Variants in MMP16 observed in about 807,000 individuals in gnomAD.
MMP16 encodes matrix metalloproteinase-16.
In MMP16, 12 loss-of-function variants were observed where a neutral mutation model predicts 67.8. The observed-to-expected ratio is 0.18, with a 90% CI of 0.11 to 0.29. MMP16 has a LOEUF of 0.29. Ranked by LOEUF, MMP16 falls within the 10% of genes least tolerant of loss-of-function variation. MMP16 has a pLI of 1.00. For synonymous variants in MMP16, 249 were observed against 255.9 expected (o/e 0.97, Z 0.26); for missense variants, 475 against 765.7 (o/e 0.62, Z 4.48).
chr8:88,309,801 T>A (rs1188939352), intron 1 of MMP16, among the ~76,000 whole-genome samples: 1 of 152,116 alleles, frequency 6.6e-6, no homozygotes, highest in East Asian at 1.9e-4. Context: ...AAATCCATCA[T>A]ATATTTAACA....
chr8:88,258,791 G>C (rs1406757487), intron 1 of MMP16, among the ~76,000 whole-genome samples: 1 of 152,138 alleles, frequency 6.6e-6, no homozygotes, highest in Non-Finnish European at 1.5e-5. Flanking sequence ...TTCTTTTACA[G>C]AGAAGACACA....
At chr8:88,130,147 T>C (rs1808002882) in intron 4 of MMP16, among the ~76,000 whole-genome samples, 1 of 151,792 alleles carries the variant, frequency 6.6e-6, no homozygotes, top group Non-Finnish European at 1.5e-5. Context: ...TTATCCTTAA[T>C]GTATGAATTT....
intron 1 of MMP16, among the ~76,000 whole-genome samples, chr8:88,299,664 T>C (rs547808762): frequency 2.0e-5 from 3 of 152,322 alleles, no homozygotes; most frequent in Admixed American, 1.3e-4. Context: ...TATGATGTTA[T>C]TAGGCTGTCT....
chr8:88,295,216 G>T (rs1017519494), intron 1 of MMP16, among the ~76,000 whole-genome samples: 1 of 152,092 alleles, frequency 6.6e-6, no homozygotes, highest in East Asian at 1.9e-4. Context: ...ATATTACTTC[G>T]ATGTTTCCTC....
intron 5 of MMP16, 24 bp from the exon 6 acceptor site, chr8:88,116,742 C>T (rs931394183): frequency 6.3e-6 from 10 of 1,596,516 alleles, no homozygotes; most frequent in Non-Finnish European, 7.7e-6. Context: ...GAGGACAGTG[C>T]TTGGCTCACT....
At chr8:88,065,691 C>T (rs1808455057) in intron 7 of MMP16, among the ~76,000 whole-genome samples, 1 of 151,838 alleles carries the variant, frequency 6.6e-6, no homozygotes, top group African/African-American at 2.4e-5. Context: ...TTTACGTTAC[C>T]TATTTATTGT....
At chr8:88,166,606 A>T (rs1029050472) in intron 4 of MMP16, among the ~76,000 whole-genome samples, 1 of 149,140 alleles carries the variant, frequency 6.7e-6, no homozygotes, top group African/African-American at 2.4e-5. Flanking sequence ...GATGTAATGA[A>T]AATATAATAA....
chr8:88,139,360 C>T (rs2118497409), intron 4 of MMP16, among the ~76,000 whole-genome samples: 1 of 152,168 alleles, frequency 6.6e-6, no homozygotes, highest in South Asian at 2.1e-4. Flanking sequence ...TTAAATACCC[C>T]TAGTCAGGTG....
intron 6 of MMP16, among the ~76,000 whole-genome samples, chr8:88,088,051 T>TTATATCTATATATAATATATATCTA (rs1808868863): frequency 2.6e-5 from 1 of 38,808 alleles, no homozygotes; most frequent in African/African-American, 9.1e-5. Flanking sequence ...TAGATATCTA[T>TTATATCTATATATAATATATATCTA]TATATCTATA....
Position 88,113,353 on chromosome 8 carries a change from A to G in MMP16, c.1083+3154T>C, listed in dbSNP as rs1809372905. Among the ~76,000 whole-genome samples the G allele has an allele frequency of 2.6e-5, 4 of 151,818 alleles. No individual in the cohort carries two copies. In the Admixed American group the frequency reaches 2.6e-4, roughly 10 times the overall value. On this transcript the variant is annotated intron_variant, in intron 6 of 9. Transcript: ENST00000286614. Reference sequence around the variant, plus strand: ...CAAGAAGCTACCCCCAGACATTAAAATTTAGGAGAAAATAAGTGTTGATGG... The same window carrying G: ...CAAGAAGCTACCCCCAGACATTAAAGTTTAGGAGAAAATAAGTGTTGATGG...
At chr8:88,159,481 T>C (rs765867350) in intron 4 of MMP16, among the ~76,000 whole-genome samples, 3 of 152,222 alleles carry the variant, frequency 2.0e-5, no homozygotes, top group Non-Finnish European at 4.4e-5. Flanking sequence ...TATTGGTATA[T>C]AAGAATGCTT....
chr8:88,160,727 A>G (rs1471365380), intron 4 of MMP16, among the ~76,000 whole-genome samples: 2 of 152,110 alleles, frequency 1.3e-5, no homozygotes, highest in Non-Finnish European at 2.9e-5. Flanking sequence ...CAGTGTGGTG[A>G]TTCCTCAGGG....
chr8:88,190,702 CA>C (rs1473333526), intron 2 of MMP16, among the ~76,000 whole-genome samples: 8 of 152,062 alleles, frequency 5.3e-5, no homozygotes, highest in Non-Finnish European at 1.0e-4. Context: ...TATCCACATA[CA>C]AAGTTAACAT....
chr8:88,181,412 GA>G (rs1044080235), intron 3 of MMP16, among the ~76,000 whole-genome samples: 22 of 151,884 alleles, frequency 1.4e-4, no homozygotes, highest in African/African-American at 5.3e-4. Flanking sequence ...AATTTGATAT[GA>G]AAAACATAAT....
chr8:88,144,196 G>C (rs777760628), intron 4 of MMP16, among the ~76,000 whole-genome samples: 1 of 151,636 alleles, frequency 6.6e-6, no homozygotes, highest in Admixed American at 6.6e-5. Flanking sequence ...TATTTCCTTC[G>C]TCACTGTCCC....
chr8:88,305,986 A>G (rs1162270124), intron 1 of MMP16, among the ~76,000 whole-genome samples: 1 of 151,908 alleles, frequency 6.6e-6, no homozygotes, highest in East Asian at 1.9e-4. Context: ...TGAAAAATCA[A>G]TGAACCCAGG....
At chr8:88,045,137 A>G (rs1212673096) in intron 9 of MMP16, among the ~76,000 whole-genome samples, 1 of 152,138 alleles carries the variant, frequency 6.6e-6, no homozygotes, top group African/African-American at 2.4e-5. Context: ...AAGTACTATG[A>G]TCAGGACTTC....
chr8:88,144,990 T>C (rs1808267947), intron 4 of MMP16, among the ~76,000 whole-genome samples: 1 of 152,052 alleles, frequency 6.6e-6, no homozygotes, highest in Non-Finnish European at 1.5e-5. Context: ...TGCTTATATA[T>C]GTTTTATTTT....
At chr8:88,140,224 G>A (rs1359190696) in intron 4 of MMP16, among the ~76,000 whole-genome samples, 1 of 152,114 alleles carries the variant, frequency 6.6e-6, no homozygotes, top group South Asian at 2.1e-4. Context: ...TGGGTCTCGG[G>A]TCTCATATGG....
Sources: gnomAD v4.1 joint callset for allele counts (sites outside exome capture counted in the v4.1 genomes callset) on GRCh38, gnomAD v4.1.1 for gene constraint, MANE v1.5 for transcripts, NCBI Gene and HGNC (gene_info 2026-07-23, HGNC 2026-07-21) for gene names.